The following MEGF10 variants were observed in gnomAD, a reference collection of about 807,000 sequenced individuals.
MEGF10 encodes multiple epidermal growth factor-like domains protein 10.
A neutral mutation model predicts 147.5 loss-of-function variants in MEGF10; 86 were observed. The observed-to-expected ratio is 0.58, with a 90% CI of 0.49 to 0.70. MEGF10 has a LOEUF of 0.70. MEGF10 is among the 30% of genes least tolerant of loss of function. The pLI is 0.00. For synonymous variants in MEGF10, 478 were observed against 525.5 expected, an observed-to-expected ratio of 0.91 and a Z score of 1.24; for missense variants, 1,329 against 1,487.3, an observed-to-expected ratio of 0.89 and a Z score of 1.75.
chr5:127,332,013 G>A (rs905200654), intron 2 of MEGF10, among the ~76,000 whole-genome samples: 4 of 124,718 alleles, frequency 3.2e-5, no homozygotes, highest in Non-Finnish European at 7.1e-5. Flanking sequence ...AGTGCCATGT[G>A]GACCACCGAG....
At chr5:127,278,050 A>G in the MEGF10 span, among the ~76,000 whole-genome samples, 7 of 152,208 alleles carry the variant, frequency 4.6e-5, no homozygotes, top group Non-Finnish European at 7.3e-5. Context: ...AATGGTATTT[A>G]TAGTTCTGAG....
At chr5:127,277,904 T>C in the MEGF10 span, among the ~76,000 whole-genome samples, 1 of 152,098 alleles carries the variant, frequency 6.6e-6, no homozygotes, top group Non-Finnish European at 1.5e-5. Flanking sequence ...GGGCAGACTG[T>C]TGGGGGAAAA....
intron 16 of MEGF10, among the ~76,000 whole-genome samples, chr5:127,437,514 G>A (rs571299278): frequency 1.2e-3 from 177 of 152,246 alleles, no homozygotes; most frequent in Non-Finnish European, 1.7e-3. Flanking sequence ...TGGGGTAGCC[G>A]TATAGAAATT....
rs1388552161 is a variant in MEGF10, at chr5:127,419,220, G to A, written c.1406G>A (p.Gly469Glu). 13 of 1,613,526 alleles carry A rather than the reference G, an allele frequency of 8.1e-6. No homozygotes were observed. Among genetic ancestry groups the A allele is most frequent in the Non-Finnish European group, 2.5e-6 (3 of 1,179,908 alleles). ...KNDAVCSPVD[G>E]SCTCKAGWHG... ...GATGCAGTCTGCTCTCCTGTGGACG[G>A]GTCTTGTACTTGCAAGGCAGGTAAG... The change falls in exon 11 of 25, where the codon GGG becomes GAG. Residue 469 changes from glycine to glutamate, a missense_variant. Coordinates refer to ENST00000503335, the MANE Select transcript of MEGF10 (RefSeq NM_001256545.2).
intron 4 of MEGF10, among the ~76,000 whole-genome samples, chr5:127,360,953 G>T (rs1762450226): frequency 6.6e-6 from 1 of 151,570 alleles, no homozygotes; most frequent in Admixed American, 6.6e-5. Flanking sequence ...CTAAAATTTT[G>T]TTTAGAATCT....
At chr5:127,351,787 A>C (rs1484182119) in intron 4 of MEGF10, among the ~76,000 whole-genome samples, 3 of 152,210 alleles carry the variant, frequency 2.0e-5, no homozygotes, top group Admixed American at 1.3e-4. Context: ...GGTGGAAGAG[A>C]GTGAACAAGA....
rs1384064605 is a variant in MEGF10 at position 127,449,239 on chromosome 5, C to G, written c.2980+17C>G. ...ACGAGCTCGGTGAGTTCTCCCAACG[C>G]ACGTCCCCAGAAGCACCTTGACCTG... On this transcript the variant is annotated intron_variant, in intron 22 of 24. Transcript: ENST00000503335. The G allele has an allele frequency of 6.2e-7, 1 of 1,612,826 alleles. No individual in the cohort carries two copies.
chr5:127,453,891 C>G, intron 22 of MEGF10, among the ~76,000 whole-genome samples: 1 of 152,176 alleles, frequency 6.6e-6, no homozygotes, highest in Non-Finnish European at 1.5e-5. Flanking sequence ...CGTTCTCTTG[C>G]CTACATGCTC....
At chr5:127,279,493 C>A in the MEGF10 span, among the ~76,000 whole-genome samples, 25 of 152,068 alleles carry the variant, frequency 1.6e-4, no homozygotes, top group Admixed American at 1.6e-3. Context: ...GCCAAGAATT[C>A]TCAGAAATAG....
the MEGF10 span, among the ~76,000 whole-genome samples, chr5:127,257,538 A>T: frequency 6.6e-6 from 1 of 152,168 alleles, no homozygotes; most frequent in Non-Finnish European, 1.5e-5. Flanking sequence ...AGGGCAAATA[A>T]AAAGGATTAC....
chr5:127,237,600 A>T, the MEGF10 span, among the ~76,000 whole-genome samples: 1 of 152,212 alleles, frequency 6.6e-6, no homozygotes, highest in Non-Finnish European at 1.5e-5. Flanking sequence ...TGTTTTGGGT[A>T]TGGGTAGGTA....
At chr5:127,375,397 G>T (rs140610408) in intron 5 of MEGF10, among the ~76,000 whole-genome samples, 7 of 152,282 alleles carry the variant, frequency 4.6e-5, no homozygotes, top group African/African-American at 1.7e-4. Context: ...GGGTCTCAAT[G>T]TATTCTCTGT....
chr5:127,243,801 G>T, the MEGF10 span, among the ~76,000 whole-genome samples: 1 of 152,106 alleles, frequency 6.6e-6, no homozygotes, highest in Non-Finnish European at 1.5e-5. Context: ...GGCTGTTCAT[G>T]CTGGAAAAAC....
chr5:127,381,857 G>C (rs1056087704), intron 5 of MEGF10, among the ~76,000 whole-genome samples: 4 of 152,124 alleles, frequency 2.6e-5, no homozygotes, highest in Non-Finnish European at 2.9e-5. Flanking sequence ...TTTTAGTAGA[G>C]GTGGGGTTTC....
the MEGF10 span, among the ~76,000 whole-genome samples, chr5:127,280,936 C>T: frequency 2.0e-5 from 3 of 152,306 alleles, no homozygotes; most frequent in Admixed American, 6.5e-5. Context: ...GTCTGAGGCT[C>T]GGCCAATCAG....
At chr5:127,401,066 G>A (rs536631802) in intron 7 of MEGF10, among the ~76,000 whole-genome samples, 5 of 152,228 alleles carry the variant, frequency 3.3e-5, no homozygotes, top group Admixed American at 1.3e-4. Flanking sequence ...ATATTTCAGC[G>A]CATTTCTGAA....
intron 16 of MEGF10, among the ~76,000 whole-genome samples, chr5:127,438,113 C>T (rs1419995977): frequency 1.3e-5 from 2 of 152,190 alleles, no homozygotes; most frequent in Admixed American, 6.5e-5. Flanking sequence ...TGCTATCTCC[C>T]TTGGGCCTGG....
At chr5:127,423,646 C>T (rs1765106124) in intron 13 of MEGF10, among the ~76,000 whole-genome samples, 1 of 152,146 alleles carries the variant, frequency 6.6e-6, no homozygotes, top group South Asian at 2.1e-4. Flanking sequence ...TGATATTGAA[C>T]ATCTTTCTGT....
chr5:127,236,516 C>T, the MEGF10 span, among the ~76,000 whole-genome samples: 11 of 152,314 alleles, frequency 7.2e-5, no homozygotes, highest in African/African-American at 2.6e-4. Context: ...GCTTGATGTA[C>T]AGTGTGTTCA....
Sources: gnomAD v4.1 joint callset for allele counts (sites outside exome capture counted in the v4.1 genomes callset) on GRCh38, gnomAD v4.1.1 for gene constraint, MANE v1.5 for transcripts, NCBI Gene and HGNC (gene_info 2026-07-23, HGNC 2026-07-21) for gene names.